The following ITGA11 variants were observed in gnomAD, a reference collection of about 807,000 sequenced individuals.
ITGA11 encodes integrin alpha-11.
Under a neutral mutation model 141.9 loss-of-function variants are expected in ITGA11, and 97 were observed. That is an observed-to-expected ratio of 0.68 (90% CI 0.58 to 0.81). ITGA11 has a LOEUF of 0.81. Among genes scored for constraint, ITGA11 ranks in the 30% least tolerant of loss-of-function variants. The pLI, the probability that ITGA11 is intolerant of heterozygous loss-of-function variation, is 0.00. For synonymous variants in ITGA11, 658 were observed against 624.6 expected, an observed-to-expected ratio of 1.05 and a Z score of -0.80; for missense variants, 1,387 against 1,559.2, an observed-to-expected ratio of 0.89 and a Z score of 1.86.
chr15:68,400,686 T>TTATATTATATATTATATAATA (rs1896460940), intron 2 of ITGA11, among the ~76,000 whole-genome samples: 1 of 47,434 alleles, frequency 2.1e-5, no homozygotes, highest in African/African-American at 1.2e-4. Context: ...ATAATAAATA[T>TTATATTATATATTATATAATA]TATATTATAT....
At chr15:68,337,340 G>A (rs1322648405) in intron 11 of ITGA11, among the ~76,000 whole-genome samples, 3 of 152,200 alleles carry the variant, frequency 2.0e-5, no homozygotes, top group Non-Finnish European at 2.9e-5. Context: ...AAGGCCTGAT[G>A]AAAGGGTAGG....
chr15:68,358,589 G>GA lies in ITGA11; in HGVS notation c.473-5dup, dbSNP rs773852624. The GA allele has an allele frequency of 1.9e-6, 3 of 1,609,292 alleles. No individual in the cohort carries two copies. Among genetic ancestry groups the GA allele is most frequent in the Non-Finnish European group, 2.5e-6 (3 of 1,178,204 alleles). ...ATGTCCATGTAGGTCTGGCACCCTGGAAAGTGGGGACACAGTTATGGCTAC... is the reference window on the plus strand; with the variant it reads ...ATGTCCATGTAGGTCTGGCACCCTGGAAAAGTGGGGACACAGTTATGGCTAC... On this transcript the variant is annotated splice_region_variant and splice_polypyrimidine_tract_variant and intron_variant, in intron 5 of 29. Transcript: ENST00000315757.
At position 68,331,921 on chromosome 15, in the gene ITGA11, G is replaced by A; in HGVS notation, c.1708C>T (p.His570Tyr). The change falls in exon 14 of 30, where the codon CAC becomes TAC. Residue 570 changes from histidine to tyrosine, a missense_variant. Physicochemically the swap from His to Tyr is moderately conservative, Grantham distance 83. Coordinates refer to ENST00000315757, the MANE Select transcript of ITGA11 (RefSeq NM_001004439.2). ...TGGAAGATGTAGATGGCTCCTGCGT[G>A]GTTGTCCTCCAGGGGGGCTCCCACC... Reference protein sequence around the residue: ...VVVGAPLEDNHAGAIYIFHGF... With the variant: ...VVVGAPLEDNYAGAIYIFHGF... The A allele has an allele frequency of 3.1e-6, 5 of 1,613,412 alleles. No homozygotes were observed. Among genetic ancestry groups the A allele is most frequent in the Non-Finnish European group, 4.2e-6 (5 of 1,179,744 alleles).
intron 2 of ITGA11, 35 bp from the exon 3 acceptor site, chr15:68,369,319 G>A: frequency 1.3e-6 from 2 of 1,493,826 alleles, no homozygotes; most frequent in South Asian, 1.1e-5. Flanking sequence ...AAGACATTGG[G>A]GGAGGTACTC....
chr15:68,404,788 G>T (rs1896601881), intron 1 of ITGA11, among the ~76,000 whole-genome samples: 1 of 152,160 alleles, frequency 6.6e-6, no homozygotes, highest in African/African-American at 2.4e-5. Flanking sequence ...TGAGGGGTGG[G>T]ATCTTGCCAC....
intron 15 of ITGA11, 121 bp downstream of exon 15, chr15:68,330,860 T>C: frequency 9.4e-7 from 1 of 1,063,148 alleles, no homozygotes; most frequent in East Asian, 2.5e-5. Flanking sequence ...AAGAACAGGG[T>C]GGGTCTAGCT....
chr15:68,375,640 G>T (rs111562637), intron 2 of ITGA11, among the ~76,000 whole-genome samples: 1 of 152,200 alleles, frequency 6.6e-6, no homozygotes, highest in Non-Finnish European at 1.5e-5. Context: ...GCCTGGCCTC[G>T]TGGGGGCTAG....
chr15:68,311,416 A>G lies in ITGA11; in HGVS notation c.2974-13T>C, dbSNP rs1201501283. On this transcript the variant is annotated splice_polypyrimidine_tract_variant and intron_variant, in intron 24 of 29. Transcript: ENST00000315757. ...CCAAGTTCTGGATCTGTGGCCAGAG[A>G]CAGGGAGGTGTCAGTACAGTCAGTT... The G allele has an allele frequency of 6.6e-7, 1 of 1,521,394 alleles. No homozygotes were observed. Among genetic ancestry groups the G allele is most frequent in the Non-Finnish European group, 8.9e-7 (1 of 1,118,314 alleles). 94.2% of individuals were successfully genotyped at this position (1,521,394 alleles called of 1,614,324 possible). A position where few individuals can be genotyped will look rare whatever the true frequency, so the allele number is the denominator to read the frequency against.
chr15:68,385,391 CA>C (rs1895961593), intron 2 of ITGA11, among the ~76,000 whole-genome samples: 1 of 152,186 alleles, frequency 6.6e-6, no homozygotes, highest in African/African-American at 2.4e-5. Context: ...GAGGAAGTGG[CA>C]GTGCCAGAGG....
chr15:68,400,774 T>C lies in ITGA11; in HGVS notation c.164+2144A>G, dbSNP rs1185867415. On this transcript the variant is annotated intron_variant, in intron 2 of 29. Transcript: ENST00000315757. Reference sequence around the variant, plus strand: ...AAATATTATAATATTATATATTATATAATAAATATTATATTATATATTATA... The same window carrying C: ...AAATATTATAATATTATATATTATACAATAAATATTATATTATATATTATA... Among the ~76,000 whole-genome samples, 8 of 28,690 alleles carry C rather than the reference T, an allele frequency of 2.8e-4. 3 individuals carry two copies. Among genetic ancestry groups the C allele is most frequent in the Non-Finnish European group, 4.3e-4 (8 of 18,618 alleles). The allele number at this position is 28,690 out of a possible 152,430, so 18.8% of individuals were successfully genotyped here.
chr15:68,399,002 T>C (rs1283683836), intron 2 of ITGA11, among the ~76,000 whole-genome samples: 1 of 151,936 alleles, frequency 6.6e-6, no homozygotes, highest in East Asian at 1.9e-4. Context: ...TCCATAAAAT[T>C]GAACGTATAA....
chr15:68,415,777 T>G (rs1019304533), intron 1 of ITGA11, among the ~76,000 whole-genome samples: 4 of 152,204 alleles, frequency 2.6e-5, no homozygotes, highest in African/African-American at 9.7e-5. Flanking sequence ...CTGGGAGCCA[T>G]CACTAGGTGA....
intron 12 of ITGA11, 56 bp from the exon 13 acceptor site, chr15:68,332,534 G>A: frequency 6.4e-7 from 1 of 1,572,900 alleles, no homozygotes. Context: ...GCACAACCCA[G>A]AGCCCTCGCC....
intron 10 of ITGA11, among the ~76,000 whole-genome samples, chr15:68,345,286 T>C (rs1894708734): frequency 1.3e-5 from 2 of 152,186 alleles, no homozygotes; most frequent in East Asian, 3.9e-4. Context: ...TTCCTGATGA[T>C]AATTTTTGGA....
chr15:68,327,973 G>C, intron 16 of ITGA11, 123 bp downstream of exon 16: 2 of 885,060 alleles, frequency 2.3e-6, no homozygotes, highest in Non-Finnish European at 3.4e-6. Context: ...AGTCATCCAA[G>C]GTGGCTCTTG....
intron 1 of ITGA11, among the ~76,000 whole-genome samples, chr15:68,414,650 C>G (rs1388886508): frequency 1.3e-5 from 2 of 152,058 alleles, no homozygotes; most frequent in African/African-American, 4.8e-5. Flanking sequence ...AAATCCATCT[C>G]CCCTCAGAGG....
chr15:68,382,997 C>A (rs116843628), intron 2 of ITGA11, among the ~76,000 whole-genome samples: 1 of 152,090 alleles, frequency 6.6e-6, no homozygotes, highest in Non-Finnish European at 1.5e-5. Flanking sequence ...AGCAGCCAGG[C>A]GTGGTGGCTC....
chr15:68,428,781 T>C (rs1045931221), intron 1 of ITGA11, among the ~76,000 whole-genome samples: 1 of 152,140 alleles, frequency 6.6e-6, no homozygotes, highest in Non-Finnish European at 1.5e-5. Context: ...TGTTGCATGG[T>C]ATGGGCCTTC....
intron 20 of ITGA11, among the ~76,000 whole-genome samples, chr15:68,317,910 G>C (rs1443991703): frequency 6.6e-6 from 1 of 152,212 alleles, no homozygotes; most frequent in Non-Finnish European, 1.5e-5. Context: ...GTGTGTGTCT[G>C]CGTGTCAGTG....
Sources: gnomAD v4.1 joint callset for allele counts (sites outside exome capture counted in the v4.1 genomes callset) on GRCh38, gnomAD v4.1.1 for gene constraint, MANE v1.5 for transcripts, NCBI Gene and HGNC (gene_info 2026-07-23, HGNC 2026-07-21) for gene names.